The following FKTN variants were observed in gnomAD, a reference collection of about 807,000 sequenced individuals.
FKTN encodes the protein fukutin.
Under a neutral mutation model 58.6 loss-of-function variants are expected in FKTN, and 47 were observed. The ratio of observed to expected loss-of-function variants is 0.80; its 90% CI spans 0.63 to 1.02. The LOEUF is 1.02. Ranked by LOEUF, FKTN falls within the 50% of genes least tolerant of loss-of-function variation. The pLI, the probability that FKTN is intolerant of heterozygous loss-of-function variation, is 0.00. For synonymous variants in FKTN, 178 were observed against 191.9 expected (o/e 0.93, Z 0.60); for missense variants, 516 against 537.3 (o/e 0.96, Z 0.39).
At chr9:105,587,796 A>G (rs1844167198) in intron 3 of FKTN, among the ~76,000 whole-genome samples, 2 of 152,198 alleles carry the variant, frequency 1.3e-5, no homozygotes. Flanking sequence ...ATTATTAAGA[A>G]TCACAGCTTT....
intron 3 of FKTN, among the ~76,000 whole-genome samples, chr9:105,582,024 C>T (rs1018045156): frequency 6.6e-6 from 1 of 152,180 alleles, no homozygotes; most frequent in African/African-American, 2.4e-5. Flanking sequence ...CCTGCTTCGG[C>T]TCGCGCACGG....
chr9:105,634,669 A>C (rs74884310), intron 10 of FKTN, among the ~76,000 whole-genome samples: 76 of 152,320 alleles, frequency 5.0e-4, no homozygotes, highest in African/African-American at 1.6e-3. Context: ...GTGAAAGAAA[A>C]GAAAAAGATC....
chr9:105,587,128 G>A (rs1844054542), intron 3 of FKTN, among the ~76,000 whole-genome samples: 1 of 152,130 alleles, frequency 6.6e-6, no homozygotes, highest in South Asian at 2.1e-4. Flanking sequence ...AACTATGTTT[G>A]TATTAGGCAC....
At position 105,635,161 on chromosome 9, in the gene FKTN, A is replaced by G. The variant is rs1833937117; in HGVS notation, c.1283A>G (p.Lys428Arg). 4 of 1,613,990 alleles carry G rather than the reference A, an allele frequency of 2.5e-6. No homozygotes were observed. Among genetic ancestry groups the G allele is most frequent in the East Asian group, 4.5e-5 (2 of 44,890 alleles). The change falls in exon 11 of 11, where the codon AAG (lysine) becomes AGG (arginine). Residue 428 changes from lysine (K) to arginine (R), a missense_variant. Physicochemically the swap from Lys to Arg is conservative, Grantham distance 26. Coordinates refer to ENST00000357998, the MANE Select transcript of FKTN (RefSeq NM_001079802.2). ...YIEANYGKTW[K>R]IPVKTWDWKR... Reference sequence around the variant, plus strand: ...GAAGCCAACTATGGTAAGACCTGGAAGATTCCTGTAAAGACGTGGGACTGG... The same window carrying G: ...GAAGCCAACTATGGTAAGACCTGGAGGATTCCTGTAAAGACGTGGGACTGG...
rs1250091218 is a variant in FKTN at position 105,601,421 on chromosome 9, A to T, written c.369+73A>T. 4 of 1,092,282 alleles carry T rather than the reference A, an allele frequency of 3.7e-6. No individual in the cohort carries two copies. The East Asian group carries it at 9.4e-5, about 26-fold the overall frequency. 67.7% of individuals were successfully genotyped at this position (1,092,282 alleles called of 1,614,324 possible). ...TAGTATAGGTTTAGGCTAGTTTAAA[A>T]TGTAAAACATTAAAAATTTTTCCTG... On this transcript the variant is annotated intron_variant, in intron 5 of 10. Transcript: ENST00000357998.
At chr9:105,573,107 C>A (rs1841046632) in intron 1 of FKTN, among the ~76,000 whole-genome samples, 1 of 151,960 alleles carries the variant, frequency 6.6e-6, no homozygotes, top group Non-Finnish European at 1.5e-5. Flanking sequence ...TGGTGGCAGG[C>A]ACCTGTAATC....
intron 6 of FKTN, among the ~76,000 whole-genome samples, chr9:105,606,816 T>C (rs114684562): frequency 6.6e-6 from 1 of 151,676 alleles, no homozygotes; most frequent in Non-Finnish European, 1.5e-5. Flanking sequence ...CTATATTTTT[T>C]GTGTATGAAA....
Position 105,562,858 on chromosome 9 carries a change from C to A in FKTN, c.-181+4693C>A, listed in dbSNP as rs1202118975. On this transcript the variant is annotated intron_variant, in intron 1 of 10. Transcript: ENST00000357998. The stretch of plus-strand genomic sequence containing the variant: ...TGCCTCACTCTTACTCCCCAATATC[C>A]CCAAATAAGTCGGGGATCCCACAGC... Among the ~76,000 whole-genome samples, 5 of 152,258 alleles carry A rather than the reference C, an allele frequency of 3.3e-5. No homozygotes were observed. In the East Asian group the frequency reaches 9.6e-4, roughly 29 times the overall value.
At chr9:105,580,187 G>A (rs965766117) in intron 3 of FKTN, among the ~76,000 whole-genome samples, 14 of 152,100 alleles carry the variant, frequency 9.2e-5, no homozygotes, top group Non-Finnish European at 1.3e-4. Flanking sequence ...ATATTGTTAT[G>A]TGTGAATTTG....
intron 3 of FKTN, among the ~76,000 whole-genome samples, chr9:105,590,229 C>T (rs1844628565): frequency 6.6e-6 from 1 of 152,108 alleles, no homozygotes; most frequent in Admixed American, 6.5e-5. Context: ...AAATAAGTCT[C>T]ATGAGAGCTG....
At chr9:105,565,984 G>C (rs1481404335) in intron 1 of FKTN, among the ~76,000 whole-genome samples, 1 of 152,124 alleles carries the variant, frequency 6.6e-6, no homozygotes, top group Non-Finnish European at 1.5e-5. Context: ...TAGAACTCAG[G>C]ATTAAGAAAC....
intron 6 of FKTN, 119 bp downstream of exon 6, chr9:105,604,611 A>G: frequency 2.4e-6 from 2 of 826,936 alleles, no homozygotes; most frequent in Non-Finnish European, 3.9e-6. Context: ...ATTTACAGTA[A>G]CATTATTCTT....
At chr9:105,617,217 G>T (rs996102826) in intron 8 of FKTN, among the ~76,000 whole-genome samples, 8 of 152,192 alleles carry the variant, frequency 5.3e-5, no homozygotes, top group Non-Finnish European at 1.0e-4. Flanking sequence ...GGAATGAAAT[G>T]ATTAGAAAGA....
intron 6 of FKTN, among the ~76,000 whole-genome samples, chr9:105,605,922 T>C (rs899852828): frequency 1.3e-5 from 2 of 152,206 alleles, no homozygotes; most frequent in Admixed American, 6.5e-5. Flanking sequence ...GGATAAATGC[T>C]TGAGGTGATA....
intron 1 of FKTN, among the ~76,000 whole-genome samples, chr9:105,566,226 C>T (rs1469201834): frequency 6.6e-6 from 1 of 152,098 alleles, no homozygotes; most frequent in Non-Finnish European, 1.5e-5. Context: ...ACCCTAACAT[C>T]ACAATTAAAA....
intron 3 of FKTN, among the ~76,000 whole-genome samples, chr9:105,583,224 C>T (rs915976616): frequency 1.2e-4 from 18 of 152,162 alleles, no homozygotes; most frequent in Admixed American, 8.5e-4. Flanking sequence ...AGGCCCTATG[C>T]GAAGCACTTT....
At chr9:105,561,164 C>G (rs1838235485) in intron 1 of FKTN, among the ~76,000 whole-genome samples, 3 of 151,432 alleles carry the variant, frequency 2.0e-5, no homozygotes, top group Admixed American at 2.0e-4. Flanking sequence ...ATTCCAGGTG[C>G]CCAAGAGGCT....
At chr9:105,578,720 G>T (rs975614042) in intron 3 of FKTN, among the ~76,000 whole-genome samples, 39 of 151,702 alleles carry the variant, frequency 2.6e-4, no homozygotes, top group Middle Eastern at 3.4e-3. Flanking sequence ...TTTTTCTATT[G>T]ATTGGAATAG....
rs1221998816 is a variant in FKTN, at chr9:105,575,002, C to A, written c.-31C>A. ...AAGATGAAAACGACTGAGATACTTT[C>A]AAAAGACAACCAAGTGAGCAGCACA... On this transcript the variant is annotated 5_prime_UTR_variant, in exon 3 of 11. It introduces an in-frame stop codon into an upstream open reading frame of the 5' UTR. Coordinates refer to ENST00000357998, the MANE Select transcript of FKTN (RefSeq NM_001079802.2). 1.7e-6 allele frequency: 2 copies of A among 1,206,566 alleles called. No homozygotes were observed. The highest frequency in any genetic ancestry group is 1.2e-5 in the South Asian group (1 of 82,684). 74.7% of individuals were successfully genotyped at this position (1,206,566 alleles called of 1,614,324 possible).
Sources: allele counts gnomAD v4.1 joint callset (sites outside exome capture counted in the v4.1 genomes callset), GRCh38; gene constraint gnomAD v4.1.1; transcripts MANE v1.5; gene names NCBI Gene and HGNC (gene_info 2026-07-23, HGNC 2026-07-21).